The following CNTNAP3B variants were observed in gnomAD, a reference collection of about 807,000 sequenced individuals.
CNTNAP3B encodes contactin-associated protein-like 3B.
A neutral mutation model predicts 108.9 loss-of-function variants in CNTNAP3B; 25 were observed. The observed-to-expected ratio is 0.23, with a 90% CI of 0.17 to 0.32. The LOEUF (loss-of-function observed/expected upper bound fraction) is 0.32, where lower values mean the gene tolerates loss of function less well. CNTNAP3B is among the 10% of genes least tolerant of loss of function. CNTNAP3B has a pLI of 1.00. For missense variants in CNTNAP3B, 252 were observed against 1,210.4 expected, an observed-to-expected ratio of 0.21 and a Z score of 11.75; for synonymous variants, 103 against 473.4, an observed-to-expected ratio of 0.22 and a Z score of 10.16.
chr9:41,977,366 G>C, intron 9 of CNTNAP3B, among the ~76,000 whole-genome samples: 1 of 146,174 alleles, frequency 6.8e-6, no homozygotes, highest in Middle Eastern at 3.5e-3. Context: ...CCTTTGAAAT[G>C]ATAGGTCTTG....
chr9:41,928,202 A>C (rs1399732260), intron 15 of CNTNAP3B, among the ~76,000 whole-genome samples: 1 of 152,236 alleles, frequency 6.6e-6, no homozygotes, highest in South Asian at 2.1e-4. Flanking sequence ...CTGATAGAAA[A>C]CACAAAATTT....
rs577684971 is a variant in CNTNAP3B at position 41,954,554 on chromosome 9, C to G, written c.1877-1168G>C. Among the ~76,000 whole-genome samples the G allele has an allele frequency of 1.7e-4, 26 of 152,394 alleles. No individual in the cohort carries two copies. In the East Asian group the frequency reaches 5.0e-3, roughly 29 times the overall value. On this transcript the variant is annotated intron_variant, in intron 12 of 23. Coordinates refer to ENST00000377561, the MANE Select transcript of CNTNAP3B (RefSeq NM_001201380.3). ...AATCTGCAAATTTAAATAACGAATGCAATTTTAAATTAAATTATCACTCCA... is the reference window on the plus strand; with the variant it reads ...AATCTGCAAATTTAAATAACGAATGGAATTTTAAATTAAATTATCACTCCA...
In CNTNAP3B at chr9:42,055,289, G is replaced by T. The variant is rs537525970; in HGVS notation, c.390+21580C>A. Among the ~76,000 whole-genome samples the T allele has an allele frequency of 8.2e-5, 8 of 97,934 alleles. 1 individual carries two copies. Among genetic ancestry groups the T allele is most frequent in the Non-Finnish European group, 1.7e-4 (8 of 46,212 alleles). 64.2% of individuals were successfully genotyped at this position (97,934 alleles called of 152,430 possible). On this transcript the variant is annotated intron_variant, in intron 3 of 23. Coordinates refer to ENST00000377561, the MANE Select transcript of CNTNAP3B (RefSeq NM_001201380.3). ...TTCTAGAAATATTTCATATTTACATGAGTATATATATATATATACATATAT... is the reference window on the plus strand; with the variant it reads ...TTCTAGAAATATTTCATATTTACATTAGTATATATATATATATACATATAT...
chr9:41,955,590 G>A (rs867730911), intron 12 of CNTNAP3B, among the ~76,000 whole-genome samples: 1,104 of 151,696 alleles, frequency 7.3e-3, no homozygotes, highest in South Asian at 0.044. Flanking sequence ...GAGTGCAGTG[G>A]CACCTTCATA....
chr9:41,966,553 C>A (rs1172213185), intron 10 of CNTNAP3B, among the ~76,000 whole-genome samples: 4 of 152,204 alleles, frequency 2.6e-5, no homozygotes, highest in African/African-American at 9.6e-5. Flanking sequence ...CAGAGGCCTC[C>A]CTGCTCAGGG....
Position 42,012,946 on chromosome 9 carries a change from A to G in CNTNAP3B, c.538+432T>C, listed in dbSNP as rs1260323568. On this transcript the variant is annotated intron_variant, in intron 4 of 23. Coordinates refer to ENST00000377561, the MANE Select transcript of CNTNAP3B (RefSeq NM_001201380.3). ...ATGGTGTGCAAAAGAGGACGTTAGCAGAGAAAAACACAGAGAACCAAGAGA... is the reference window on the plus strand; with the variant it reads ...ATGGTGTGCAAAAGAGGACGTTAGCGGAGAAAAACACAGAGAACCAAGAGA... Among the ~76,000 whole-genome samples, 3 of 96,266 alleles carry G rather than the reference A, an allele frequency of 3.1e-5. 1 individual carries two copies. Among genetic ancestry groups the G allele is most frequent in the Admixed American group, 1.1e-4 (1 of 9,248 alleles). The allele number at this position is 96,266 out of a possible 152,430, so 63.2% of individuals were successfully genotyped here. A position where few individuals can be genotyped will look rare whatever the true frequency, so the allele number is the denominator to read the frequency against.
chr9:42,053,522 C>T (rs1440096928), intron 3 of CNTNAP3B, among the ~76,000 whole-genome samples: 4 of 134,870 alleles, frequency 3.0e-5, no homozygotes, highest in Non-Finnish European at 4.7e-5. Context: ...GGATATGGAG[C>T]CATCTCAGAA....
chr9:41,977,853 G>A (rs1380831108), intron 9 of CNTNAP3B, among the ~76,000 whole-genome samples: 5 of 139,224 alleles, frequency 3.6e-5, no homozygotes, highest in East Asian at 2.1e-4. Context: ...GGATGGTCTC[G>A]ATCTCCTGAC....
Position 42,124,438 on chromosome 9 carries a change from A to G in CNTNAP3B, c.85+4572T>C, listed in dbSNP as rs557448747. 4.4e-5 allele frequency among the ~76,000 whole-genome samples: 6 copies of G among 137,914 alleles called. 1 individual carries two copies. In the South Asian group the frequency reaches 9.4e-4, roughly 22 times the overall value. 90.5% of individuals were successfully genotyped at this position (137,914 alleles called of 152,430 possible). ...CAGTACCACAACACATCAAGCAGAT[A>G]TATGAATTCCTTGACAAAATACATT... On this transcript the variant is annotated intron_variant, in intron 1 of 23. Transcript: ENST00000377561.
chr9:41,934,622 A>G (rs1208097558), intron 14 of CNTNAP3B, among the ~76,000 whole-genome samples: 3 of 152,294 alleles, frequency 2.0e-5, no homozygotes, highest in Non-Finnish European at 1.5e-5. Flanking sequence ...GTTTATCCCT[A>G]ACAATGCTTT....
At position 42,129,134 on chromosome 9, in the gene CNTNAP3B, A is replaced by T; in HGVS notation, c.-40T>A. 1 of 1,527,800 alleles carries T rather than the reference A, an allele frequency of 6.5e-7. No individual in the cohort carries two copies. Among genetic ancestry groups the T allele is most frequent in the Non-Finnish European group, 8.8e-7 (1 of 1,132,112 alleles). 94.6% of individuals were successfully genotyped at this position (1,527,800 alleles called of 1,614,324 possible). A position where few individuals can be genotyped will look rare whatever the true frequency, so the allele number is the denominator to read the frequency against. On this transcript the variant is annotated 5_prime_UTR_variant, in exon 1 of 24. Coordinates refer to ENST00000377561, the MANE Select transcript of CNTNAP3B (RefSeq NM_001201380.3). ...GGCGCCCTGAGACCCGGGCACGGCG[A>T]CGGCCGCTCTGCGTCGTTCCTGCTC...
At position 42,116,868 on chromosome 9, in the gene CNTNAP3B, T is replaced by C. The variant is rs1234750849; in HGVS notation, c.86-12129A>G. Among the ~76,000 whole-genome samples, 2 of 136,334 alleles carry C rather than the reference T, an allele frequency of 1.5e-5. 1 individual carries two copies. Among genetic ancestry groups the C allele is most frequent in the Non-Finnish European group, 3.1e-5 (2 of 64,268 alleles). The allele number at this position is 136,334 out of a possible 152,430, so 89.4% of individuals were successfully genotyped here. A position where few individuals can be genotyped will look rare whatever the true frequency, so the allele number is the denominator to read the frequency against. ...GGGAAAACAAAAAAAAAGCAGGGGT[T>C]GGAATCCTAGTCTCTGATAAAACAG... On this transcript the variant is annotated intron_variant, in intron 1 of 23. Coordinates refer to ENST00000377561, the MANE Select transcript of CNTNAP3B (RefSeq NM_001201380.3).
intron 3 of CNTNAP3B, among the ~76,000 whole-genome samples, chr9:42,061,353 C>A: frequency 8.2e-6 from 1 of 122,146 alleles, no homozygotes; most frequent in African/African-American, 3.5e-5. Context: ...CAGTCTCGCT[C>A]TGTCACCAGG....
chr9:42,026,818 T>C lies in CNTNAP3B; in HGVS notation c.391-13293A>G, dbSNP rs1325605389. On this transcript the variant is annotated intron_variant, in intron 3 of 23. Coordinates refer to ENST00000377561, the MANE Select transcript of CNTNAP3B (RefSeq NM_001201380.3). Reference sequence around the variant, plus strand: ...CTCAATAATAACTCCAAATTTGTAGTAAGGTTTTGAAATTTTCCCCAGGAA... The same window carrying C: ...CTCAATAATAACTCCAAATTTGTAGCAAGGTTTTGAAATTTTCCCCAGGAA... 2.0e-4 allele frequency among the ~76,000 whole-genome samples: 28 copies of C among 137,070 alleles called. 10 individuals carry two copies. The highest frequency in any genetic ancestry group is 7.6e-4 in the African/African-American group (26 of 34,094). The allele number at this position is 137,070 out of a possible 152,430, so 89.9% of individuals were successfully genotyped here.
chr9:41,979,632 T>C (rs1468606678), intron 9 of CNTNAP3B: 1 of 31,204 alleles, frequency 3.2e-5, no homozygotes, highest in South Asian at 8.6e-4. Context: ...TCTTTGGTCA[T>C]ATATATATTT....
chr9:41,940,956 A>C (rs1380213160), intron 13 of CNTNAP3B, among the ~76,000 whole-genome samples: 1 of 152,286 alleles, frequency 6.6e-6, no homozygotes, highest in Non-Finnish European at 1.5e-5. Context: ...AACATCAGGA[A>C]AAAAATGAAA....
intron 10 of CNTNAP3B, among the ~76,000 whole-genome samples, chr9:41,966,361 C>A (rs1825274538): frequency 6.6e-6 from 1 of 152,304 alleles, no homozygotes; most frequent in African/African-American, 2.4e-5. Flanking sequence ...GATCTAGAGA[C>A]TATCAACATG....
chr9:41,935,247 G>T (rs1475465305), intron 14 of CNTNAP3B, among the ~76,000 whole-genome samples: 200 of 152,130 alleles, frequency 1.3e-3, no homozygotes, highest in African/African-American at 4.6e-3. Context: ...TTTTTTTTAA[G>T]TAATATGCTT....
intron 2 of CNTNAP3B, among the ~76,000 whole-genome samples, chr9:42,098,689 C>T (rs1454374896): frequency 2.7e-5 from 3 of 109,360 alleles, no homozygotes; most frequent in South Asian, 5.7e-4. Context: ...GTTTTCTGTA[C>T]TTACTGAAAA....
Sources: allele counts gnomAD v4.1 joint callset (sites outside exome capture counted in the v4.1 genomes callset), GRCh38; gene constraint gnomAD v4.1.1; transcripts MANE v1.5; gene names NCBI Gene and HGNC (gene_info 2026-07-23, HGNC 2026-07-21).